The following ANKRD12 variants were observed in gnomAD, a reference collection of about 807,000 sequenced individuals.
The protein encoded by ANKRD12 is ankyrin repeat domain-containing protein 12.
ANKRD12 carries 85 observed loss-of-function variants against 183.4 expected under a neutral mutation model. That is an observed-to-expected ratio of 0.46 (90% CI 0.39 to 0.56). The LOEUF (loss-of-function observed/expected upper bound fraction) is 0.56, where lower values mean the gene tolerates loss of function less well. ANKRD12 is among the 20% of genes least tolerant of loss of function. ANKRD12 has a pLI of 0.00. For synonymous variants in ANKRD12, 914 were observed against 800.2 expected, an observed-to-expected ratio of 1.14 and a Z score of -2.40; for missense variants, 2,405 against 2,357.1, an observed-to-expected ratio of 1.02 and a Z score of -0.42.
rs542358394 is a variant in ANKRD12, at chr18:9,144,623, C to G, written c.-52+7658C>G. 2.8e-4 allele frequency among the ~76,000 whole-genome samples: 43 copies of G among 152,200 alleles called. No homozygotes were observed. The East Asian group carries it at 8.3e-3, about 29-fold the overall frequency. ...TGGCAGAGGTATAATTACAACTACT[C>G]CATAGTTGATTATAGGTTCTCCACA... On this transcript the variant is annotated intron_variant, in intron 1 of 12. Coordinates refer to ENST00000262126, the MANE Select transcript of ANKRD12 (RefSeq NM_015208.5).
Position 9,257,358 on chromosome 18 carries a change from A to G in ANKRD12, c.4091A>G (p.Asn1364Ser). 2 of 1,614,172 alleles carry G rather than the reference A, an allele frequency of 1.2e-6. No homozygotes were observed. Among genetic ancestry groups the G allele is most frequent in the Non-Finnish European group, 1.7e-6 (2 of 1,180,008 alleles). ...VPERDLSNVS[N>S]IHSSFATSPT... ...GAAAGAGACCTTTCAAATGTATCTA[A>G]CATACATTCCAGTTTTGCAACTTCT... Residue 1364 changes from asparagine to serine, a missense_variant, in exon 9 of 13, where the codon AAC becomes AGC. Physicochemically the swap from Asn to Ser is conservative, Grantham distance 46. Coordinates refer to ENST00000262126, the MANE Select transcript of ANKRD12 (RefSeq NM_015208.5).
At chr18:9,150,554 G>A (rs998441941) in intron 1 of ANKRD12, among the ~76,000 whole-genome samples, 2 of 152,120 alleles carry the variant, frequency 1.3e-5, no homozygotes, top group Non-Finnish European at 2.9e-5. Context: ...ACAGTTTATT[G>A]TAAAAGATTG....
chr18:9,268,726 C>T (rs1259563487), intron 10 of ANKRD12, among the ~76,000 whole-genome samples: 1 of 152,188 alleles, frequency 6.6e-6, no homozygotes, highest in Non-Finnish European at 1.5e-5. Flanking sequence ...CAGGCATGCT[C>T]TCTCTCACCA....
intron 11 of ANKRD12, among the ~76,000 whole-genome samples, chr18:9,278,994 ATAAT>A (rs1178131392): frequency 3.3e-5 from 5 of 152,134 alleles, no homozygotes; most frequent in African/African-American, 7.2e-5. Context: ...CTGAAACTGT[ATAAT>A]TAGTTCAAGA....
intron 11 of ANKRD12, among the ~76,000 whole-genome samples, chr18:9,276,859 C>T (rs772190159): frequency 6.6e-6 from 1 of 152,144 alleles, no homozygotes; most frequent in Non-Finnish European, 1.5e-5. Context: ...GGAGAGGCCA[C>T]TGAGGGACTT....
intron 8 of ANKRD12, 134 bp from the exon 9 acceptor site, chr18:9,254,077 A>G: frequency 9.6e-7 from 1 of 1,042,988 alleles, no homozygotes; most frequent in Non-Finnish European, 1.3e-6. Flanking sequence ...TTATTTCCAT[A>G]TAAATCTGAA....
intron 2 of ANKRD12, among the ~76,000 whole-genome samples, chr18:9,193,653 T>C (rs2034597901): frequency 6.6e-6 from 1 of 152,348 alleles, no homozygotes; most frequent in Non-Finnish European, 1.5e-5. Flanking sequence ...TAATTTGTTA[T>C]GCCCCTTTTT....
chr18:9,277,346 T>TA (rs1294008599), intron 11 of ANKRD12, among the ~76,000 whole-genome samples: 12 of 146,610 alleles, frequency 8.2e-5, no homozygotes, highest in African/African-American at 1.5e-4. Flanking sequence ...TTTTTTTTTT[T>TA]AAGCAGAGTC....
At chr18:9,227,761 G>T (rs1250122249) in intron 8 of ANKRD12, among the ~76,000 whole-genome samples, 2 of 152,152 alleles carry the variant, frequency 1.3e-5, no homozygotes, top group Non-Finnish European at 2.9e-5. Context: ...TCAAGTGAGG[G>T]TAATTGGGGT....
Position 9,255,666 on chromosome 18 carries a change from A to G in ANKRD12, c.2399A>G (p.His800Arg), listed in dbSNP as rs140852397. ...GCCATTGAGGAATCTATAGGGCTTC[A>G]TTTAGTGGAAAAGGAAATAGACATT... ...MSAIEESIGLHLVEKEIDIEK... is the reference protein window; with the variant it reads ...MSAIEESIGLRLVEKEIDIEK... Residue 800 changes from histidine (H) to arginine (R), a missense_variant, in exon 9 of 13, where the codon CAT (histidine) becomes CGT (arginine). Physicochemically the swap from His to Arg is conservative, Grantham distance 29. Around this residue, in one of 7 missense-constraint regions of ANKRD12, gnomAD observed 1,983 missense variants for 1,725.9 expected, o/e 1.15. Transcript: ENST00000262126. 8.8e-6 allele frequency: 14 copies of G among 1,589,606 alleles called. No individual in the cohort carries two copies. The African/African-American group carries it at 1.8e-4, about 20-fold the overall frequency.
chr18:9,271,003 T>G (rs2039573979), intron 10 of ANKRD12, among the ~76,000 whole-genome samples: 1 of 152,150 alleles, frequency 6.6e-6, no homozygotes, highest in East Asian at 1.9e-4. Flanking sequence ...TCCGGCCAGC[T>G]GTGTCATAGA....
chr18:9,159,410 G>A (rs944903386), intron 1 of ANKRD12, among the ~76,000 whole-genome samples: 1 of 151,762 alleles, frequency 6.6e-6, no homozygotes, highest in Non-Finnish European at 1.5e-5. Context: ...GCTTCTATTC[G>A]CCATCCATTT....
chr18:9,168,020 T>G (rs538800590), intron 1 of ANKRD12, among the ~76,000 whole-genome samples: 2 of 152,302 alleles, frequency 1.3e-5, no homozygotes, highest in African/African-American at 4.8e-5. Context: ...TGGCTTACAT[T>G]TATTGATTTG....
intron 1 of ANKRD12, among the ~76,000 whole-genome samples, chr18:9,165,887 C>T (rs2032005305): frequency 8.0e-6 from 1 of 124,590 alleles, no homozygotes; most frequent in Non-Finnish European, 1.6e-5. Flanking sequence ...CACCCCACAA[C>T]AGTCCCTGGT....
chr18:9,206,056 T>G (rs1274006310), intron 4 of ANKRD12, among the ~76,000 whole-genome samples: 1 of 152,138 alleles, frequency 6.6e-6, no homozygotes. Context: ...AACATCTTTG[T>G]ATATCTGAAG....
chr18:9,166,860 G>T (rs1232471779), intron 1 of ANKRD12, among the ~76,000 whole-genome samples: 19 of 152,070 alleles, frequency 1.2e-4, no homozygotes, highest in South Asian at 4.1e-4. Context: ...GGTCTAACAT[G>T]TAAGTCTTTA....
chr18:9,218,254 A>G (rs1443677390), intron 7 of ANKRD12, among the ~76,000 whole-genome samples: 1 of 152,204 alleles, frequency 6.6e-6, no homozygotes, highest in Admixed American at 6.5e-5. Flanking sequence ...TGTACTTACA[A>G]GGACTCACAC....
intron 8 of ANKRD12, chr18:9,235,724 T>G (rs1437166831): frequency 2.2e-6 from 1 of 455,766 alleles, no homozygotes; most frequent in Non-Finnish European, 4.4e-6. Flanking sequence ...AATTCCAGAT[T>G]GTGAGAAAGC....
intron 10 of ANKRD12, among the ~76,000 whole-genome samples, chr18:9,271,792 G>T (rs1296904800): frequency 6.6e-6 from 1 of 152,296 alleles, no homozygotes; most frequent in East Asian, 1.9e-4. Flanking sequence ...ACTGTGGTTT[G>T]TAGACATATT....
Sources: allele counts gnomAD v4.1 joint callset (sites outside exome capture counted in the v4.1 genomes callset), GRCh38; gene constraint gnomAD v4.1.1; regional missense constraint gnomAD v4.1.1; transcripts MANE v1.5; gene names NCBI Gene and HGNC (gene_info 2026-07-23, HGNC 2026-07-21).